The following THSD7B variants were observed in gnomAD, a reference collection of about 807,000 sequenced individuals.
The protein encoded by THSD7B is thrombospondin type 1 domain containing 7B, also known as thrombospondin type-1 domain-containing protein 7B.
Under a neutral mutation model 213.6 loss-of-function variants are expected in THSD7B, and 138 were observed. That is an observed-to-expected ratio of 0.65 (90% CI 0.56 to 0.74). The LOEUF (loss-of-function observed/expected upper bound fraction) is 0.74, where lower values mean the gene tolerates loss of function less well. THSD7B is among the 30% of genes least tolerant of loss of function. THSD7B has a pLI of 0.00. For synonymous variants in THSD7B, 742 were observed against 687.0 expected, an observed-to-expected ratio of 1.08 and a Z score of -1.25; for missense variants, 1,931 against 1,991.5, an observed-to-expected ratio of 0.97 and a Z score of 0.58.
chr2:137,071,085 G>C (rs1308037154), intron 3 of THSD7B, among the ~76,000 whole-genome samples: 1 of 152,164 alleles, frequency 6.6e-6, no homozygotes, highest in African/African-American at 2.4e-5. Flanking sequence ...CCCAGTAATG[G>C]AATGGCTGGG....
At chr2:136,874,832 C>T (rs560622188) in intron 1 of THSD7B, among the ~76,000 whole-genome samples, 1 of 152,202 alleles carries the variant, frequency 6.6e-6, no homozygotes, top group East Asian at 1.9e-4. Context: ...ACTCAACGAC[C>T]TTCATGATAT....
intron 14 of THSD7B, among the ~76,000 whole-genome samples, chr2:137,439,555 ACAAT>A (rs1300393264): frequency 1.3e-5 from 2 of 152,134 alleles, no homozygotes; most frequent in Non-Finnish European, 2.9e-5. Flanking sequence ...TAGATAATGC[ACAAT>A]CAGTCAGGAA....
intron 15 of THSD7B, among the ~76,000 whole-genome samples, chr2:137,500,929 T>C (rs975136786): frequency 6.6e-6 from 1 of 152,040 alleles, no homozygotes; most frequent in African/African-American, 2.4e-5. Flanking sequence ...TAGTACCTTT[T>C]ATGTTTCATG....
intron 20 of THSD7B, among the ~76,000 whole-genome samples, chr2:137,624,201 A>T (rs1456981922): frequency 6.6e-6 from 1 of 152,234 alleles, no homozygotes; most frequent in Non-Finnish European, 1.5e-5. Context: ...GATCTTTGAC[A>T]AACCTGACAA....
chr2:137,242,644 G>A lies in THSD7B; in HGVS notation c.2266+72G>A, dbSNP rs935162553. On this transcript the variant is annotated intron_variant, in intron 10 of 27. Transcript: ENST00000409968. ...TTTCTCCACATCTAAGTAAGTGAGA[G>A]GTTGTGGAATGTGAGCACCTTTTTT... The A allele has an allele frequency of 5.1e-6, 6 of 1,176,836 alleles. No individual in the cohort carries two copies. In the Admixed American group the frequency reaches 1.4e-4, roughly 27 times the overall value. 72.9% of individuals were successfully genotyped at this position (1,176,836 alleles called of 1,614,324 possible).
At chr2:137,137,344 T>G (rs1679485604) in intron 5 of THSD7B, among the ~76,000 whole-genome samples, 1 of 152,158 alleles carries the variant, frequency 6.6e-6, no homozygotes, top group African/African-American at 2.4e-5. Context: ...TTAGGTTAGT[T>G]TATTCTGTTC....
intron 2 of THSD7B, among the ~76,000 whole-genome samples, chr2:136,957,339 T>C (rs960479175): frequency 6.6e-6 from 1 of 151,970 alleles, no homozygotes. Flanking sequence ...ACAAGGGAGC[T>C]GACAGATGGG....
rs1458772937 is a variant in THSD7B, at chr2:137,663,439, C to G, written c.4515C>G (p.Phe1505Leu). The G allele has an allele frequency of 6.3e-7, 1 of 1,594,996 alleles. No homozygotes were observed. The highest frequency in any genetic ancestry group is 8.5e-7 in the Non-Finnish European group (1 of 1,169,772). The change falls in exon 26 of 28, where the codon TTC becomes TTG. Residue 1505 changes from phenylalanine to leucine, a missense_variant. Physicochemically the swap from Phe to Leu is conservative, Grantham distance 22. Transcript: ENST00000409968. ...GYTEIMKSNG[F>L]LDYCMKVPGS... ...CAGAGATAATGAAATCAAATGGTTT[C>G]CTGGATTACTGCATGAAAGTACCAG... is the stretch of plus-strand genomic sequence containing the variant.
intron 2 of THSD7B, among the ~76,000 whole-genome samples, chr2:136,909,952 A>G (rs1573704850): frequency 6.6e-6 from 1 of 152,272 alleles, no homozygotes; most frequent in East Asian, 1.9e-4. Context: ...GTAATAGCCT[A>G]GGAATGTGGT....
rs565168584 is a variant in THSD7B, at chr2:137,403,123, A to T, written c.2501-2490A>T. Reference sequence around the variant, plus strand: ...GGATTTTGTCCCTGCGACGTGGATAAAAACGAAAACAAAAAATATTCAGAA... The same window carrying T: ...GGATTTTGTCCCTGCGACGTGGATATAAACGAAAACAAAAAATATTCAGAA... On this transcript the variant is annotated intron_variant, in intron 12 of 27. Transcript: ENST00000409968. 3.9e-5 allele frequency among the ~76,000 whole-genome samples: 6 copies of T among 152,036 alleles called. No individual in the cohort carries two copies. The South Asian group carries it at 1.2e-3, about 32-fold the overall frequency.
At chr2:136,813,135 A>G (rs1188453821) in intron 1 of THSD7B, among the ~76,000 whole-genome samples, 2 of 152,216 alleles carry the variant, frequency 1.3e-5, no homozygotes, top group African/African-American at 2.4e-5. Context: ...TGTTTAATTA[A>G]TATCCTTTCT....
intron 2 of THSD7B, among the ~76,000 whole-genome samples, chr2:137,052,292 T>C (rs1039068992): frequency 1.3e-5 from 2 of 152,210 alleles, no homozygotes; most frequent in Non-Finnish European, 2.9e-5. Context: ...AGTAAACAGA[T>C]ACAGAACTAC....
At chr2:136,883,872 C>T (rs17722350) in intron 2 of THSD7B, among the ~76,000 whole-genome samples, 9,628 of 152,194 alleles carry the variant, frequency 0.063, 342 homozygotes, top group Middle Eastern at 0.18. Context: ...ACTGTCACTT[C>T]TCCTGGTATT....
chr2:137,139,652 T>A (rs1452940705), intron 5 of THSD7B, among the ~76,000 whole-genome samples: 1 of 152,148 alleles, frequency 6.6e-6, no homozygotes, highest in Non-Finnish European at 1.5e-5. Context: ...GGGCCAGGAT[T>A]TTTGGATGGC....
intron 2 of THSD7B, among the ~76,000 whole-genome samples, chr2:137,032,376 G>T (rs1386233623): frequency 6.6e-6 from 1 of 152,114 alleles, no homozygotes; most frequent in East Asian, 1.9e-4. Flanking sequence ...AGTTATCTCT[G>T]TATATACTTG....
intron 12 of THSD7B, among the ~76,000 whole-genome samples, chr2:137,367,164 G>T (rs1284869823): frequency 6.6e-6 from 1 of 151,918 alleles, no homozygotes; most frequent in African/African-American, 2.4e-5. Flanking sequence ...TTATACCAAT[G>T]CAGTAGCTAA....
At chr2:137,048,432 TG>T (rs1445507264) in intron 2 of THSD7B, among the ~76,000 whole-genome samples, 7 of 152,190 alleles carry the variant, frequency 4.6e-5, no homozygotes, top group Non-Finnish European at 8.8e-5. Context: ...CACTTGTATA[TG>T]GTATGAATAT....
chr2:137,374,548 C>A (rs1685607411), intron 12 of THSD7B, among the ~76,000 whole-genome samples: 1 of 152,128 alleles, frequency 6.6e-6, no homozygotes, highest in Admixed American at 6.6e-5. Context: ...GTGGAAAATG[C>A]CTTCTAAGTG....
rs540202638 is a variant in THSD7B at position 137,363,319 on chromosome 2, A to T, written c.2501-42294A>T. 8.5e-5 allele frequency among the ~76,000 whole-genome samples: 13 copies of T among 152,150 alleles called. 1 individual carries two copies. The South Asian group carries it at 1.0e-3, about 12-fold the overall frequency. On this transcript the variant is annotated intron_variant, in intron 12 of 27. Transcript: ENST00000409968. The stretch of plus-strand genomic sequence containing the variant: ...AAAATCGACACCCTAACATCACAAT[A>T]AAAAGAACTAGAGAAGCAAGAGCAA...
Sources: allele counts gnomAD v4.1 joint callset (sites outside exome capture counted in the v4.1 genomes callset), GRCh38; gene constraint gnomAD v4.1.1; transcripts MANE v1.5; gene names NCBI Gene and HGNC (gene_info 2026-07-23, HGNC 2026-07-21).